GNG7: variants seen among roughly 807,000 people sequenced by gnomAD.
GNG7 encodes guanine nucleotide-binding protein G(I)/G(S)/G(O) subunit gamma-7.
In GNG7, 1 loss-of-function variant was observed where a neutral mutation model predicts 4.0. The ratio of observed to expected loss-of-function variants is 0.25; its 90% CI spans 0.09 to 1.18. The LOEUF (loss-of-function observed/expected upper bound fraction) is 1.18, where lower values mean the gene tolerates loss of function less well. GNG7 is among the 50% of genes most tolerant of loss of function. GNG7 has a pLI of 0.50. For missense variants in GNG7, 86 were observed against 91.9 expected (o/e 0.94, Z 0.26); for synonymous variants, 34 against 36.9 (o/e 0.92, Z 0.29).
intron 3 of GNG7, among the ~76,000 whole-genome samples, chr19:2,534,150 C>A (rs561173477): frequency 4.9e-4 from 75 of 152,186 alleles, no homozygotes; most frequent in Non-Finnish European, 7.2e-4. Context: ...TATACATCCT[C>A]ATCCGCTGTG....
At chr19:2,612,536 C>A (rs572246114) in intron 2 of GNG7, among the ~76,000 whole-genome samples, 1 of 151,986 alleles carries the variant, frequency 6.6e-6, no homozygotes, top group African/African-American at 2.4e-5. Context: ...CAGGCTCCCA[C>A]GGCACAAAAG....
At chr19:2,526,678 A>C (rs1978407753) in intron 3 of GNG7, among the ~76,000 whole-genome samples, 1 of 149,628 alleles carries the variant, frequency 6.7e-6, no homozygotes, top group Non-Finnish European at 1.5e-5. Context: ...CATCATTTAC[A>C]TAATTTATAC....
At chr19:2,564,939 C>T (rs1979855764) in intron 2 of GNG7, among the ~76,000 whole-genome samples, 1 of 151,712 alleles carries the variant, frequency 6.6e-6, no homozygotes, top group African/African-American at 2.4e-5. Flanking sequence ...GCCTGCAATC[C>T]CAGCACTCTG....
chr19:2,524,343 CTA>C (rs1411868221), intron 3 of GNG7, among the ~76,000 whole-genome samples: 1 of 152,184 alleles, frequency 6.6e-6, no homozygotes, highest in Non-Finnish European at 1.5e-5. Context: ...GTGTGTGTGT[CTA>C]TGTTTATTTG....
chr19:2,657,427 A>C (rs1349043979), intron 1 of GNG7, among the ~76,000 whole-genome samples: 1 of 139,528 alleles, frequency 7.2e-6, no homozygotes, highest in Non-Finnish European at 1.5e-5. Flanking sequence ...TCCTAAAAAG[A>C]GAAACAGTAC....
intron 1 of GNG7, among the ~76,000 whole-genome samples, chr19:2,658,761 C>CAT (rs58657567): frequency 0.18 from 27,177 of 152,056 alleles, 3,092 homozygotes; most frequent in East Asian, 0.52. Flanking sequence ...ATCATGTATC[C>CAT]ACTGGCTCAT....
intron 3 of GNG7, among the ~76,000 whole-genome samples, chr19:2,535,757 C>T (rs1050142030): frequency 4.6e-5 from 7 of 152,104 alleles, no homozygotes; most frequent in Admixed American, 3.3e-4. Context: ...GAACACGGTA[C>T]ACTCGGAAAG....
At chr19:2,621,546 A>G (rs572953246) in intron 2 of GNG7, among the ~76,000 whole-genome samples, 1 of 149,980 alleles carries the variant, frequency 6.7e-6, no homozygotes, top group Non-Finnish European at 1.5e-5. Context: ...AAAAACACAA[A>G]GTTAGCCGGG....
intron 2 of GNG7, among the ~76,000 whole-genome samples, chr19:2,562,911 T>G (rs1302969079): frequency 6.6e-6 from 1 of 151,882 alleles, no homozygotes; most frequent in Admixed American, 6.6e-5. Context: ...TGGTGTCCAG[T>G]GTGAGCAAGG....
In GNG7 at chr19:2,572,329, T is replaced by C. The variant is rs116191379; in HGVS notation, c.-77-17141A>G. 2.6e-3 allele frequency among the ~76,000 whole-genome samples: 396 copies of C among 152,296 alleles called. 3 individuals carry two copies. Among genetic ancestry groups the C allele is most frequent in the African/African-American group, 8.7e-3 (362 of 41,574 alleles). ...CCACCATGCTTGCTTAATTTTTTTG[T>C]TTTTTGTAGAGACGGGTTTCGCTAC... On this transcript the variant is annotated intron_variant, in intron 2 of 4. Coordinates refer to ENST00000382159, the MANE Select transcript of GNG7 (RefSeq NM_052847.3).
Position 2,637,216 on chromosome 19 carries a change from C to CCT in GNG7, c.-78+9007_-78+9008insAG, listed in dbSNP as rs1024537664. On this transcript the variant is annotated intron_variant, in intron 2 of 4. Coordinates refer to ENST00000382159, the MANE Select transcript of GNG7 (RefSeq NM_052847.3). ...TCAGAGGCCCCAGGAACAGGCTCCC[C>CCT]CCGCCCCCGAGCCCGGCCCGTCTTT... 8.6e-5 allele frequency among the ~76,000 whole-genome samples: 13 copies of CCT among 151,048 alleles called. No individual in the cohort carries two copies. In the South Asian group the frequency reaches 1.0e-3, roughly 12 times the overall value.
chr19:2,657,337 T>TAA lies in GNG7; in HGVS notation c.-134-11059_-134-11058dup, dbSNP rs372388972. On this transcript the variant is annotated intron_variant, in intron 1 of 4. Transcript: ENST00000382159. The stretch of plus-strand genomic sequence containing the variant: ...TGACAAAGCAAGACCCCGTCTCAAT[T>TAA]AAAAAAAAAAAAAAAAAAAAAAAAA... Among the ~76,000 whole-genome samples the TAA allele has an allele frequency of 3.2e-3, 45 of 13,938 alleles. 4 individuals are homozygous for TAA. Among genetic ancestry groups the TAA allele is most frequent in the African/African-American group, 0.012 (33 of 2,706 alleles). 9.1% of individuals were successfully genotyped at this position (13,938 alleles called of 152,430 possible).
At chr19:2,639,360 G>A (rs1443994794) in intron 2 of GNG7, among the ~76,000 whole-genome samples, 1 of 151,978 alleles carries the variant, frequency 6.6e-6, no homozygotes, top group Admixed American at 6.6e-5. Flanking sequence ...CGCCTGAGAC[G>A]CCGGAACAGA....
chr19:2,515,347 C>T (rs1308523011), intron 4 of GNG7, among the ~76,000 whole-genome samples, 200 bp from the exon 5 acceptor site: 1 of 152,138 alleles, frequency 6.6e-6, no homozygotes, highest in Non-Finnish European at 1.5e-5. Context: ...TGACATAGGC[C>T]ACAACGTGGA....
intron 1 of GNG7, among the ~76,000 whole-genome samples, chr19:2,651,273 C>CTT (rs1381762095): frequency 7.0e-5 from 8 of 114,068 alleles, no homozygotes; most frequent in African/African-American, 2.8e-4. Context: ...TCCTTCCTTC[C>CTT]CTCCCTCCCT....
intron 3 of GNG7, among the ~76,000 whole-genome samples, chr19:2,523,934 G>A (rs1426964554): frequency 6.6e-6 from 1 of 152,202 alleles, no homozygotes; most frequent in East Asian, 1.9e-4. Flanking sequence ...TGCTCTGGAG[G>A]CAGAGCCCAC....
In GNG7 at chr19:2,684,691, C is replaced by T. The variant is rs76986136; in HGVS notation, c.-135+17955G>A. ...CCCAGAGCCCTCAGATTCACAGAGACGGAAAGTAGGATGGGGGCCGGGCAC... is the reference window on the plus strand; with the variant it reads ...CCCAGAGCCCTCAGATTCACAGAGATGGAAAGTAGGATGGGGGCCGGGCAC... On this transcript the variant is annotated intron_variant, in intron 1 of 4. Transcript: ENST00000382159. Among the ~76,000 whole-genome samples the T allele has an allele frequency of 1.2e-3, 179 of 152,182 alleles. 1 individual carries two copies. The highest frequency in any genetic ancestry group is 4.1e-3 in the African/African-American group (171 of 41,546).
intron 2 of GNG7, among the ~76,000 whole-genome samples, chr19:2,616,877 G>A (rs943381487): frequency 1.3e-5 from 2 of 152,092 alleles, no homozygotes; most frequent in African/African-American, 4.8e-5. Context: ...AGTGGGGCCC[G>A]GGTTCTGCCC....
intron 2 of GNG7, among the ~76,000 whole-genome samples, chr19:2,620,242 G>C (rs1460660511): frequency 8.2e-6 from 1 of 122,488 alleles, no homozygotes; most frequent in Non-Finnish European, 1.7e-5. Context: ...GAGGGGAGGG[G>C]AGGGGAGGGG....
Sources: gnomAD v4.1 joint callset for allele counts (sites outside exome capture counted in the v4.1 genomes callset) on GRCh38, gnomAD v4.1.1 for gene constraint, MANE v1.5 for transcripts, NCBI Gene and HGNC (gene_info 2026-07-23, HGNC 2026-07-21) for gene names.